The following STK3 variants were observed in gnomAD, a reference collection of about 807,000 sequenced individuals.
STK3 encodes the protein serine/threonine kinase 3.
In STK3, 41 loss-of-function variants were observed where a neutral mutation model predicts 58.0. The observed-to-expected ratio is 0.71, with a 90% CI of 0.55 to 0.92. The LOEUF (loss-of-function observed/expected upper bound fraction) is 0.92, where lower values mean the gene tolerates loss of function less well. STK3 is among the 40% of genes least tolerant of loss of function. The probability of loss-of-function intolerance (pLI) is 0.00; values close to 1 mark genes in which losing one functional copy is unlikely to be tolerated. For synonymous variants in STK3, 170 were observed against 191.0 expected, an observed-to-expected ratio of 0.89 and a Z score of 0.91; for missense variants, 479 against 602.7, an observed-to-expected ratio of 0.79 and a Z score of 2.15.
At chr8:98,711,327 G>A (rs559305472) in intron 4 of STK3, among the ~76,000 whole-genome samples, 1 of 152,042 alleles carries the variant, frequency 6.6e-6, no homozygotes, top group East Asian at 1.9e-4. Context: ...TCTGATGATC[G>A]AACTACTCCG....
chr8:98,706,517 T>A lies in STK3; in HGVS notation c.634A>T (p.Ile212Leu). Residue 212 changes from isoleucine to leucine, a missense_variant, in exon 6 of 11, where the codon ATA becomes TTA. Around this residue, in one of 3 missense-constraint regions of STK3, gnomAD observed 309 missense variants for 355.7 expected, o/e 0.87. Coordinates refer to ENST00000419617, the MANE Select transcript of STK3 (RefSeq NM_006281.4). Reference sequence around the variant, plus strand: ...GGAGGTTTTCCTTCAGCCATTTCTATAGAAGTAATGCCAAGGGACCAGATG... The same window carrying A: ...GGAGGTTTTCCTTCAGCCATTTCTAAAGAAGTAATGCCAAGGGACCAGATG... Reference protein sequence around the residue: ...ADIWSLGITSIEMAEGKPPYA... With the variant: ...ADIWSLGITSLEMAEGKPPYA... 6.2e-7 allele frequency: 1 copy of A among 1,613,922 alleles called. No individual in the cohort carries two copies. The highest frequency in any genetic ancestry group is 1.1e-5 in the South Asian group (1 of 91,042).
At chr8:98,893,480 AAGAAAGAGAAAG>A (rs1838308138) in intron 1 of STK3, among the ~76,000 whole-genome samples, 1 of 68,556 alleles carries the variant, frequency 1.5e-5, no homozygotes, top group Admixed American at 1.6e-4. Context: ...GAAAGAAAGA[AAGAAAGAGAAAG>A]AAAGAAAGAA....
chr8:98,803,593 C>CAAA lies in STK3; in HGVS notation c.26+21919_26+21921dup, dbSNP rs34316563. 4.4e-4 allele frequency among the ~76,000 whole-genome samples: 17 copies of CAAA among 38,842 alleles called. 1 individual carries two copies. The highest frequency in any genetic ancestry group is 2.1e-3 in the African/African-American group (17 of 7,910). 25.5% of individuals were successfully genotyped at this position (38,842 alleles called of 152,430 possible). A position where few individuals can be genotyped will look rare whatever the true frequency, so the allele number is the denominator to read the frequency against. On this transcript the variant is annotated intron_variant, in intron 1 of 10. Coordinates refer to ENST00000419617, the MANE Select transcript of STK3 (RefSeq NM_006281.4). ...TGGGCAACAGAGTGAGACTCTGTTTCAAAAAAAAAAAAAAAGAAAAAAAAA... is the reference window on the plus strand; with the variant it reads ...TGGGCAACAGAGTGAGACTCTGTTTCAAAAAAAAAAAAAAAAAAGAAAAAAAAA...
intron 1 of STK3, chr8:98,905,551 G>A: frequency 1.9e-6 from 2 of 1,051,222 alleles, no homozygotes; most frequent in Non-Finnish European, 3.0e-6. Flanking sequence ...TCTTCTATGT[G>A]TACAAAGCCG....
intron 2 of STK3, among the ~76,000 whole-genome samples, chr8:98,436,121 C>T (rs1818477283): frequency 6.6e-6 from 1 of 152,146 alleles, no homozygotes; most frequent in Admixed American, 6.5e-5. Context: ...CACAGATCAA[C>T]CTCTAAGTCC....
intron 8 of STK3, 50 bp from the exon 9 acceptor site, chr8:98,548,211 T>C: frequency 7.4e-7 from 1 of 1,347,398 alleles, no homozygotes; most frequent in Non-Finnish European, 9.6e-7. Context: ...GACAGCTGGA[T>C]TTCTTAATTC....
In STK3 at chr8:98,486,169, T is replaced by C. The variant is rs550906829; in HGVS notation, c.1318-30169A>G. 2.6e-5 allele frequency among the ~76,000 whole-genome samples: 4 copies of C among 152,334 alleles called. No individual in the cohort carries two copies. In the South Asian group the frequency reaches 8.3e-4, roughly 32 times the overall value. ...TTCTTAGCTCCTTTAACATATAGTT[T>C]CCTTATCTATAAAACAGGAATAATG... is the stretch of plus-strand genomic sequence containing the variant. On this transcript the variant is annotated intron_variant, in intron 10 of 10. Coordinates refer to ENST00000419617, the MANE Select transcript of STK3 (RefSeq NM_006281.4).
chr8:98,378,424 C>CA (rs1490132555), intron 2 of STK3, among the ~76,000 whole-genome samples: 1 of 152,208 alleles, frequency 6.6e-6, no homozygotes, highest in Non-Finnish European at 1.5e-5. Context: ...ACTTAGGTCT[C>CA]AGAGTCACAC....
intron 1 of STK3, among the ~76,000 whole-genome samples, chr8:98,911,429 T>G (rs1839128730): frequency 2.0e-5 from 3 of 152,172 alleles, no homozygotes. Context: ...GGTCTTGCTC[T>G]GTTACCCAGG....
intron 8 of STK3, among the ~76,000 whole-genome samples, chr8:98,572,779 C>T (rs973841180): frequency 3.9e-5 from 6 of 152,020 alleles, no homozygotes. Context: ...AAGCTACTGC[C>T]TGAAAAAATA....
At position 98,816,358 on chromosome 8, in the gene STK3, C is replaced by A. The variant is rs922485713; in HGVS notation, c.26+9157G>T. On this transcript the variant is annotated intron_variant, in intron 1 of 10. Transcript: ENST00000419617. The stretch of plus-strand genomic sequence containing the variant: ...GCAAGACCCCATGTCTACAAATACA[C>A]AAATTACCTGGGCATGGTGGCCAAT... Among the ~76,000 whole-genome samples the A allele has an allele frequency of 2.6e-5, 4 of 152,054 alleles. No homozygotes were observed. In the East Asian group the frequency reaches 7.8e-4, roughly 30 times the overall value.
chr8:98,769,659 T>C (rs1374922644), intron 2 of STK3, among the ~76,000 whole-genome samples: 3 of 152,242 alleles, frequency 2.0e-5, no homozygotes, highest in African/African-American at 7.2e-5. Context: ...GTCTATGGCA[T>C]TCAGTGGCAA....
chr8:98,774,247 T>C (rs1010399875), intron 2 of STK3, among the ~76,000 whole-genome samples: 1 of 152,202 alleles, frequency 6.6e-6, no homozygotes, highest in Non-Finnish European at 1.5e-5. Flanking sequence ...CCTTTCTCTC[T>C]GCTCAAACCG....
chr8:98,474,182 T>G (rs1349678816), intron 10 of STK3, among the ~76,000 whole-genome samples: 1 of 152,186 alleles, frequency 6.6e-6, no homozygotes, highest in Non-Finnish European at 1.5e-5. Flanking sequence ...TCATCTGCTG[T>G]CATCTCCCCA....
intron 4 of STK3, among the ~76,000 whole-genome samples, chr8:98,713,421 C>A (rs937026248): frequency 6.6e-6 from 1 of 151,808 alleles, no homozygotes; most frequent in South Asian, 2.1e-4. Context: ...CAAATAGAAG[C>A]AATAAAAAAA....
intron 9 of STK3, among the ~76,000 whole-genome samples, chr8:98,535,759 A>G (rs1278692566): frequency 1.3e-5 from 2 of 152,202 alleles, no homozygotes; most frequent in African/African-American, 4.8e-5. Context: ...AGCAGCATAC[A>G]CTGGGAAGGA....
At chr8:98,785,221 C>G (rs181899317) in intron 1 of STK3, among the ~76,000 whole-genome samples, 181 of 152,266 alleles carry the variant, frequency 1.2e-3, no homozygotes, top group African/African-American at 4.2e-3. Context: ...ATTCAGAGCA[C>G]CTGCTTGCCT....
At chr8:98,380,639 T>C (rs569029463) in intron 1 of STK3, among the ~76,000 whole-genome samples, 1 of 152,218 alleles carries the variant, frequency 6.6e-6, no homozygotes, top group Non-Finnish European at 1.5e-5. Context: ...AATGTATGGA[T>C]TACCTGTTTT....
At chr8:98,784,057 A>G (rs1399153511) in intron 1 of STK3, among the ~76,000 whole-genome samples, 1 of 152,214 alleles carries the variant, frequency 6.6e-6, no homozygotes, top group Admixed American at 6.5e-5. Flanking sequence ...TGAGCAACCC[A>G]GGTCAAGAAA....
Sources: gnomAD v4.1 joint callset for allele counts (sites outside exome capture counted in the v4.1 genomes callset) on GRCh38, gnomAD v4.1.1 for gene constraint, gnomAD v4.1.1 regional missense constraint, MANE v1.5 for transcripts, NCBI Gene and HGNC (gene_info 2026-07-23, HGNC 2026-07-21) for gene names.